Variants in PRKAR1B observed in about 807,000 individuals in gnomAD.
The protein encoded by PRKAR1B is protein kinase cAMP-dependent type I regulatory subunit beta.
Under a neutral mutation model 46.5 loss-of-function variants are expected in PRKAR1B, and 22 were observed. The observed-to-expected ratio is 0.47, with a 90% CI of 0.34 to 0.68. The LOEUF (loss-of-function observed/expected upper bound fraction) is 0.68, where lower values mean the gene tolerates loss of function less well. PRKAR1B is among the 30% of genes least tolerant of loss of function. The pLI, the probability that PRKAR1B is intolerant of heterozygous loss-of-function variation, is 0.01. For missense variants in PRKAR1B, 445 were observed against 535.6 expected (o/e 0.83, Z 1.67); for synonymous variants, 259 against 217.7 (o/e 1.19, Z -1.67).
chr7:724,214 T>C (rs1048377913), intron 1 of PRKAR1B, among the ~76,000 whole-genome samples: 9 of 152,232 alleles, frequency 5.9e-5, no homozygotes, highest in African/African-American at 2.2e-4. Context: ...GTCTCCCACC[T>C]CCGCCCTTTC....
chr7:678,970 C>T (rs1221752587), intron 3 of PRKAR1B, among the ~76,000 whole-genome samples: 6 of 152,078 alleles, frequency 3.9e-5, no homozygotes. Context: ...CACCTGTAAT[C>T]CCAGCCAGTC....
intron 4 of PRKAR1B, among the ~76,000 whole-genome samples, chr7:629,105 AGCCTG>A (rs1345300644): frequency 6.6e-6 from 1 of 152,246 alleles, no homozygotes; most frequent in Non-Finnish European, 1.5e-5. Flanking sequence ...GACATTCCCA[AGCCTG>A]GCTGCCTTCC....
Position 713,940 on chromosome 7 carries a change from A to G in PRKAR1B, c.-22-2413T>C, listed in dbSNP as rs184962455. On this transcript the variant is annotated intron_variant, in intron 1 of 10. Coordinates refer to ENST00000537384, the MANE Select transcript of PRKAR1B (RefSeq NM_001164760.2). ...CAGGCAGACCTGCATTTGTCCTGAG[A>G]CTTTCTTAGGGATCCAGGCCTGGTC... 1.7e-4 allele frequency among the ~76,000 whole-genome samples: 26 copies of G among 152,130 alleles called. No individual in the cohort carries two copies. The East Asian group carries it at 3.9e-3, about 23-fold the overall frequency.
In PRKAR1B at chr7:711,472, C is replaced by A; in HGVS notation, c.34G>T (p.Asp12Tyr). ...AGCTCACAGCCCTTCAGGCTCTCGT[C>A]CTCCTCCGAGGGGCAGGCGGGCGGG... ...ASPPACPSEE[D>Y]ESLKGCELYV... Residue 12 changes from aspartate (D) to tyrosine (Y), a missense_variant, in exon 2 of 11, where the codon GAC becomes TAC. Around this residue, in one of 5 missense-constraint regions of PRKAR1B, gnomAD observed 155 missense variants for 127.5 expected, o/e 1.22. Transcript: ENST00000537384. 1 of 1,614,152 alleles carries A rather than the reference C, an allele frequency of 6.2e-7. No homozygotes were observed. The highest frequency in any genetic ancestry group is 1.1e-5 in the South Asian group (1 of 91,082).
chr7:568,342 C>A (rs926092219), intron 9 of PRKAR1B, among the ~76,000 whole-genome samples: 1 of 152,364 alleles, frequency 6.6e-6, no homozygotes, highest in South Asian at 2.1e-4. Context: ...CGGCAGCTGA[C>A]TCTGGGGAGG....
intron 4 of PRKAR1B, among the ~76,000 whole-genome samples, chr7:643,520 C>A (rs774303693): frequency 2.0e-5 from 3 of 151,206 alleles, no homozygotes; most frequent in Non-Finnish European, 4.4e-5. Flanking sequence ...GTTGGGAGTT[C>A]GAGACCAGTC....
At chr7:719,803 C>A (rs1459291289) in intron 1 of PRKAR1B, among the ~76,000 whole-genome samples, 2 of 152,158 alleles carry the variant, frequency 1.3e-5, no homozygotes, top group African/African-American at 4.8e-5. Context: ...CATCCCTAGC[C>A]CCAGGAGATC....
intron 4 of PRKAR1B, among the ~76,000 whole-genome samples, chr7:665,769 A>G (rs562158751): frequency 8.5e-5 from 13 of 152,338 alleles, no homozygotes; most frequent in Non-Finnish European, 1.5e-4. Flanking sequence ...AGAAGCCAGG[A>G]GACAGCTCCC....
intron 7 of PRKAR1B, among the ~76,000 whole-genome samples, chr7:595,651 A>G (rs894535210): frequency 6.6e-6 from 1 of 152,196 alleles, no homozygotes; most frequent in African/African-American, 2.4e-5. Context: ...GCACAGGCAT[A>G]CACCCACGTG....
At chr7:646,562 C>G (rs1272195347) in intron 4 of PRKAR1B, among the ~76,000 whole-genome samples, 1 of 152,236 alleles carries the variant, frequency 6.6e-6, no homozygotes, top group Non-Finnish European at 1.5e-5. Flanking sequence ...GAGCGGAGCT[C>G]GTTTCCTAAT....
chr7:645,401 A>C (rs1420838502), intron 4 of PRKAR1B, among the ~76,000 whole-genome samples: 1 of 152,222 alleles, frequency 6.6e-6, no homozygotes, highest in Non-Finnish European at 1.5e-5. Context: ...CTGTAATCCC[A>C]GCACTTTGGG....
At chr7:726,898 C>A in intron 1 of PRKAR1B, 1 of 1,344,392 alleles carries the variant, frequency 7.4e-7, no homozygotes, top group Non-Finnish European at 9.5e-7. Context: ...GCTGGAGGAG[C>A]CAGGCCCTGC....
chr7:589,648 T>G (rs2128452278), intron 7 of PRKAR1B, among the ~76,000 whole-genome samples: 1 of 152,278 alleles, frequency 6.6e-6, no homozygotes, highest in Non-Finnish European at 1.5e-5. Context: ...GGGACAATCT[T>G]GTTCCAGAAT....
At chr7:620,755 A>T (rs62432161) in intron 4 of PRKAR1B, among the ~76,000 whole-genome samples, 101,216 of 144,212 alleles carry the variant, frequency 0.7, 34,346 homozygotes, top group South Asian at 0.89. Context: ...TCTTCTCTCT[A>T]CCCTTCCAAT....
chr7:550,379 A>T lies in PRKAR1B; in HGVS notation c.*51T>A. 1 of 1,528,530 alleles carries T rather than the reference A, an allele frequency of 6.5e-7. No individual in the cohort carries two copies. The highest frequency in any genetic ancestry group is 8.9e-7 in the Non-Finnish European group (1 of 1,126,630). 94.7% of individuals were successfully genotyped at this position (1,528,530 alleles called of 1,614,324 possible). On this transcript the variant is annotated 3_prime_UTR_variant, in exon 11 of 11. Transcript: ENST00000537384. ...TCCCGGGCCCCCGACACAGACGAGC[A>T]GGGCACGGCCACCACACTGGGGAGC...
intron 2 of PRKAR1B, among the ~76,000 whole-genome samples, chr7:695,542 T>C (rs1779683160): frequency 6.6e-6 from 1 of 152,112 alleles, no homozygotes; most frequent in Admixed American, 6.5e-5. Context: ...GCAGAAACAG[T>C]TTCAAGTGAG....
intron 1 of PRKAR1B, among the ~76,000 whole-genome samples, chr7:724,142 C>G (rs1389099156): frequency 1.3e-5 from 2 of 152,178 alleles, no homozygotes; most frequent in Non-Finnish European, 2.9e-5. Flanking sequence ...AGACGCCATT[C>G]AGCCCGTAAC....
chr7:647,871 T>G (rs1784704923), intron 4 of PRKAR1B, among the ~76,000 whole-genome samples: 1 of 150,618 alleles, frequency 6.6e-6, no homozygotes, highest in Non-Finnish European at 1.5e-5. Context: ...CCTAAAATGC[T>G]TCATTATGGC....
At chr7:707,266 C>A (rs1489116027) in intron 2 of PRKAR1B, among the ~76,000 whole-genome samples, 2 of 152,242 alleles carry the variant, frequency 1.3e-5, no homozygotes, top group African/African-American at 2.4e-5. Flanking sequence ...TCAGCTACTG[C>A]AGAAAACAAA....
Sources: gnomAD v4.1 joint callset for allele counts (sites outside exome capture counted in the v4.1 genomes callset) on GRCh38, gnomAD v4.1.1 for gene constraint, gnomAD v4.1.1 regional missense constraint, MANE v1.5 for transcripts, NCBI Gene and HGNC (gene_info 2026-07-23, HGNC 2026-07-21) for gene names.